Variants in CDKAL1 observed in about 807,000 individuals in gnomAD.
The protein encoded by CDKAL1 is CDKAL1 threonylcarbamoyladenosine tRNA methylthiotransferase, also known as threonylcarbamoyladenosine tRNA methylthiotransferase.
Under a neutral mutation model 68.2 loss-of-function variants are expected in CDKAL1, and 32 were observed. That is an observed-to-expected ratio of 0.47 (90% CI 0.35 to 0.63). The LOEUF is 0.63. CDKAL1 is among the 30% of genes least tolerant of loss of function. The pLI, the probability that CDKAL1 is intolerant of heterozygous loss-of-function variation, is 0.00. For missense variants in CDKAL1, 606 were observed against 696.7 expected (o/e 0.87, Z 1.47); for synonymous variants, 234 against 244.3 (o/e 0.96, Z 0.39).
intron 9 of CDKAL1, among the ~76,000 whole-genome samples, chr6:20,943,328 CAAAAAAA>C (rs34759060): frequency 1.6e-4 from 8 of 51,042 alleles, no homozygotes; most frequent in Admixed American, 2.4e-4. Context: ...CTTGTTTTTT[CAAAAAAA>C]AAAAAAAAAG....
intron 12 of CDKAL1, among the ~76,000 whole-genome samples, chr6:21,081,702 G>T (rs1380510875): frequency 7.3e-5 from 11 of 150,928 alleles, no homozygotes; most frequent in Non-Finnish European, 1.5e-4. Context: ...CTCCCAAGTA[G>T]CTGGGACTAC....
At chr6:21,146,854 A>G (rs79002978) in intron 13 of CDKAL1, among the ~76,000 whole-genome samples, 4 of 150,950 alleles carry the variant, frequency 2.6e-5, no homozygotes, top group African/African-American at 9.7e-5. Context: ...CCGTCTCAAA[A>G]AAAAAAAAAA....
intron 12 of CDKAL1, among the ~76,000 whole-genome samples, chr6:21,080,368 G>A (rs1313327832): frequency 3.9e-5 from 6 of 152,146 alleles, no homozygotes; most frequent in African/African-American, 7.2e-5. Flanking sequence ...TTTCTAAGAC[G>A]GAAATGCTCT....
At chr6:20,871,924 G>A (rs533419887) in intron 9 of CDKAL1, among the ~76,000 whole-genome samples, 8 of 152,206 alleles carry the variant, frequency 5.3e-5, no homozygotes, top group African/African-American at 1.7e-4. Flanking sequence ...CTGTGAACAA[G>A]GAATGCTTAA....
chr6:21,129,226 C>T (rs9295493), intron 13 of CDKAL1, among the ~76,000 whole-genome samples: 1 of 151,708 alleles, frequency 6.6e-6, no homozygotes, highest in South Asian at 2.1e-4. Flanking sequence ...TGGAAAAAAA[C>T]ATATTAGCAG....
chr6:20,689,829 A>C (rs972823775), intron 5 of CDKAL1, among the ~76,000 whole-genome samples: 1 of 152,200 alleles, frequency 6.6e-6, no homozygotes, highest in Admixed American at 6.5e-5. Flanking sequence ...CTCCCTGCAA[A>C]AAGAACATTT....
At chr6:20,633,207 C>G (rs964715544) in intron 4 of CDKAL1, among the ~76,000 whole-genome samples, 1 of 152,218 alleles carries the variant, frequency 6.6e-6, no homozygotes, top group Non-Finnish European at 1.5e-5. Flanking sequence ...TCCTATCCCT[C>G]TCAGCCCTAG....
At chr6:21,140,727 C>T (rs1775857792) in intron 13 of CDKAL1, among the ~76,000 whole-genome samples, 1 of 152,132 alleles carries the variant, frequency 6.6e-6, no homozygotes, top group Non-Finnish European at 1.5e-5. Flanking sequence ...CGCTAGCGCT[C>T]AGCATTAAAA....
At chr6:21,162,525 A>C (rs1484224917) in intron 13 of CDKAL1, among the ~76,000 whole-genome samples, 3 of 152,222 alleles carry the variant, frequency 2.0e-5, no homozygotes, top group Non-Finnish European at 4.4e-5. Flanking sequence ...AGTTAACTGA[A>C]ACTTTGCTCT....
At chr6:20,561,208 G>A (rs1017312642) in intron 4 of CDKAL1, among the ~76,000 whole-genome samples, 4 of 151,974 alleles carry the variant, frequency 2.6e-5, no homozygotes, top group African/African-American at 9.7e-5. Context: ...TTGGGAGCCC[G>A]AGAGGGGCGG....
At chr6:20,891,781 C>T (rs1019520421) in intron 9 of CDKAL1, among the ~76,000 whole-genome samples, 1 of 152,170 alleles carries the variant, frequency 6.6e-6, no homozygotes, top group Non-Finnish European at 1.5e-5. Flanking sequence ...GATCCACCCG[C>T]CTTGGCCTCC....
intron 15 of CDKAL1, among the ~76,000 whole-genome samples, chr6:21,215,595 G>A (rs1779312780): frequency 6.6e-6 from 1 of 152,144 alleles, no homozygotes; most frequent in African/African-American, 2.4e-5. Context: ...TTTTTAGGTA[G>A]TGAGTTGTAG....
chr6:21,067,647 T>TA (rs1243490120), intron 12 of CDKAL1, among the ~76,000 whole-genome samples: 8 of 152,126 alleles, frequency 5.3e-5, no homozygotes, highest in Non-Finnish European at 1.2e-4. Context: ...TTGCAGCAAA[T>TA]ACAGCTGACA....
intron 15 of CDKAL1, among the ~76,000 whole-genome samples, chr6:21,213,953 A>G (rs1012806765): frequency 2.6e-5 from 4 of 152,238 alleles, no homozygotes; most frequent in Non-Finnish European, 5.9e-5. Context: ...TGAATGGACA[A>G]ACAAAATGTG....
chr6:21,050,648 G>A (rs1582098586), intron 11 of CDKAL1, among the ~76,000 whole-genome samples: 2 of 152,186 alleles, frequency 1.3e-5, no homozygotes, highest in Admixed American at 6.5e-5. Flanking sequence ...ACCACTCAAA[G>A]GTGGGCATGA....
intron 9 of CDKAL1, among the ~76,000 whole-genome samples, chr6:20,898,325 C>T (rs1468536300): frequency 6.6e-6 from 1 of 150,822 alleles, no homozygotes; most frequent in African/African-American, 2.4e-5. Flanking sequence ...ACGTCCCTCA[C>T]CTCCAACCAT....
At chr6:21,193,974 G>A (rs1778364550) in intron 13 of CDKAL1, among the ~76,000 whole-genome samples, 1 of 152,220 alleles carries the variant, frequency 6.6e-6, no homozygotes, top group African/African-American at 2.4e-5. Context: ...AGAAGTCCAA[G>A]ATCAGGCAAC....
intron 9 of CDKAL1, among the ~76,000 whole-genome samples, chr6:20,919,788 A>C (rs1762868576): frequency 6.6e-6 from 1 of 152,154 alleles, no homozygotes. Context: ...ACCTTACGAG[A>C]ACCATCCTCC....
intron 9 of CDKAL1, among the ~76,000 whole-genome samples, chr6:20,936,529 CG>C (rs1763722931): frequency 6.6e-6 from 1 of 151,612 alleles, no homozygotes; most frequent in Admixed American, 6.6e-5. Context: ...GGATTACAGG[CG>C]TGAGCCACCG....
Sources: gnomAD v4.1 joint callset for allele counts (sites outside exome capture counted in the v4.1 genomes callset) on GRCh38, gnomAD v4.1.1 for gene constraint, MANE v1.5 for transcripts, NCBI Gene and HGNC (gene_info 2026-07-23, HGNC 2026-07-21) for gene names.